The following BMF variants were observed in gnomAD, a reference collection of about 807,000 sequenced individuals.
BMF encodes the protein Bcl2 modifying factor, also known as bcl-2-modifying factor.
In BMF, 10 loss-of-function variants were observed where a neutral mutation model predicts 22.0. That is an observed-to-expected ratio of 0.45 (90% CI 0.28 to 0.77). BMF has a LOEUF of 0.77. Among genes scored for constraint, BMF ranks in the 30% least tolerant of loss-of-function variants. BMF has a pLI of 0.13. For synonymous variants in BMF, 87 were observed against 88.1 expected (o/e 0.99, Z 0.07); for missense variants, 206 against 226.8 (o/e 0.91, Z 0.59).
At chr15:40,099,651 T>C (rs1034845512) in intron 4 of BMF, among the ~76,000 whole-genome samples, 1 of 152,000 alleles carries the variant, frequency 6.6e-6, no homozygotes, top group Non-Finnish European at 1.5e-5. Context: ...TGGTGGTGCA[T>C]GCCTGTAATT....
At chr15:40,092,295 G>A (rs543887646) in intron 4 of BMF, among the ~76,000 whole-genome samples, 129 of 152,134 alleles carry the variant, frequency 8.5e-4, no homozygotes, top group African/African-American at 2.9e-3. Flanking sequence ...TCTCTCCCCC[G>A]ACTCCAAAGT....
chr15:40,104,944 G>A (rs2036553877), intron 3 of BMF, among the ~76,000 whole-genome samples: 1 of 152,186 alleles, frequency 6.6e-6, no homozygotes, highest in African/African-American at 2.4e-5. Flanking sequence ...CTTACCCAGT[G>A]CACGCGTTAG....
chr15:40,094,119 C>T (rs143117605), intron 4 of BMF, among the ~76,000 whole-genome samples: 19 of 152,286 alleles, frequency 1.2e-4, no homozygotes, highest in Non-Finnish European at 2.2e-4. Context: ...AGCTCAATGG[C>T]CAAGGAAAGC....
Position 40,104,189 on chromosome 15 carries a change from A to C in BMF, c.444T>G (p.His148Gln), listed in dbSNP as rs759729759. The C allele has an allele frequency of 6.2e-7, 1 of 1,614,182 alleles. No homozygotes were observed. Among genetic ancestry groups the C allele is most frequent in the South Asian group, 1.1e-5 (1 of 91,084 alleles). The change falls in exon 4 of 5, where the codon CAT (histidine) becomes CAG (glutamine). Residue 148 changes from histidine to glutamine, a missense_variant. Physicochemically the swap from His to Gln is conservative, Grantham distance 24 (BLOSUM62 0). Coordinates refer to ENST00000354670, the MANE Select transcript of BMF (RefSeq NM_001003940.2). Reference sequence around the variant, plus strand: ...AAACCCCCGTGCCTACTTGCTGCACATGAAGCCGGTGGAACTGGTCTGCAA... The same window carrying C: ...AAACCCCCGTGCCTACTTGCTGCACCTGAAGCCGGTGGAACTGGTCTGCAA... ...QCIADQFHRL[H>Q]VQQHQQNQNR...
intron 4 of BMF, among the ~76,000 whole-genome samples, chr15:40,093,456 G>A (rs550935541): frequency 2.5e-4 from 38 of 152,290 alleles, no homozygotes; most frequent in Non-Finnish European, 4.4e-4. Flanking sequence ...TGTAAACAAA[G>A]ATGAGTAAAA....
At chr15:40,107,308 G>A (rs1285569494) in intron 2 of BMF, among the ~76,000 whole-genome samples, 1 of 152,210 alleles carries the variant, frequency 6.6e-6, no homozygotes, top group Admixed American at 6.5e-5. Context: ...CAAGCCAAAT[G>A]GTCTATGGAT....
rs760095117 is a variant in BMF, at chr15:40,089,023, G to C, written c.*2764C>G. 1 of 152,632 alleles carries C rather than the reference G, an allele frequency of 6.6e-6. No individual in the cohort carries two copies. Among genetic ancestry groups the C allele is most frequent in the East Asian group, 1.9e-4 (1 of 5,194 alleles). 9.5% of individuals were successfully genotyped at this position (152,632 alleles called of 1,614,324 possible). A position where few individuals can be genotyped will look rare whatever the true frequency, so the allele number is the denominator to read the frequency against. ...CCTTCCTCCCAGGCATTTCTTTCCC[G>C]AGGAGGAAGGTTTCCAGTCCCTCTC... On this transcript the variant is annotated 3_prime_UTR_variant, in exon 5 of 5. Transcript: ENST00000354670.
intron 4 of BMF, among the ~76,000 whole-genome samples, chr15:40,102,625 T>G (rs1052953480): frequency 6.6e-6 from 1 of 152,004 alleles, no homozygotes; most frequent in Non-Finnish European, 1.5e-5. Flanking sequence ...ATCAGATTAT[T>G]GCAAATGAAG....
intron 4 of BMF, among the ~76,000 whole-genome samples, chr15:40,094,540 T>G (rs947772175): frequency 9.2e-5 from 14 of 152,182 alleles, no homozygotes; most frequent in African/African-American, 3.1e-4. Flanking sequence ...AACCTGCTCA[T>G]GAGTTCTCTC....
intron 3 of BMF, 35 bp downstream of exon 3, chr15:40,105,760 T>G: frequency 1.9e-6 from 3 of 1,549,972 alleles, no homozygotes; most frequent in Non-Finnish European, 2.6e-6. Flanking sequence ...TCCCCCAGTC[T>G]CTATGGGAGG....
At chr15:40,103,893 C>T (rs2141046226) in intron 4 of BMF, among the ~76,000 whole-genome samples, 1 of 152,320 alleles carries the variant, frequency 6.6e-6, no homozygotes, top group East Asian at 1.9e-4. Context: ...GGTTGTCAAG[C>T]AGAGCTGCAG....
At chr15:40,094,817 GACA>G (rs1163457761) in intron 4 of BMF, among the ~76,000 whole-genome samples, 2 of 152,196 alleles carry the variant, frequency 1.3e-5, no homozygotes, top group Non-Finnish European at 2.9e-5. Context: ...GAAAATACAA[GACA>G]TTACAGAGGA....
At chr15:40,096,759 G>A (rs2141014154) in intron 4 of BMF, among the ~76,000 whole-genome samples, 1 of 152,270 alleles carries the variant, frequency 6.6e-6, no homozygotes, top group Middle Eastern at 3.4e-3. Context: ...TGCTCCCCTA[G>A]TATGCTTAAA....
rs2036631907 is a variant in BMF at position 40,108,406 on chromosome 15, T to A, written c.-133-20A>T. 1 of 152,754 alleles carries A rather than the reference T, an allele frequency of 6.5e-6. No homozygotes were observed. Among genetic ancestry groups the A allele is most frequent in the Non-Finnish European group, 1.5e-5 (1 of 68,176 alleles). The allele number at this position is 152,754 out of a possible 1,614,324, so 9.5% of individuals were successfully genotyped here. On this transcript the variant is annotated intron_variant, in intron 1 of 4. Coordinates refer to ENST00000354670, the MANE Select transcript of BMF (RefSeq NM_001003940.2). The stretch of plus-strand genomic sequence containing the variant: ...GCCCAGCTGTTAAGGAGAGGAGCCT[T>A]CAGACTCCGCAGAGAGGCAGGATGC...
rs117690285 is a variant in BMF, at chr15:40,106,009, G to A, written c.78C>T (p.Pro26=). The stretch of plus-strand genomic sequence containing the variant: ...ACAGGTCAGCAGAGAGCAAGCTCCC[G>A]GGTTGGGTCACCGGCTCCCCATCCT... ...QPEDGEPVTQ[P]GSLLSADLFA... Residue 26 remains proline (P), a synonymous_variant, in exon 3 of 5, where the codon CCC becomes CCT. Coordinates refer to ENST00000354670, the MANE Select transcript of BMF (RefSeq NM_001003940.2). The surrounding 1 kb of genome is among the most constrained non-coding windows in gnomAD (Gnocchi z 4.1). The A allele has an allele frequency of 4.4e-4, 715 of 1,613,896 alleles. 3 individuals carry two copies. In the East Asian group the frequency reaches 0.013, roughly 30 times the overall value.
chr15:40,090,660 T>A lies in BMF; in HGVS notation c.*1127A>T, dbSNP rs973513518. 2 of 152,254 alleles carry A rather than the reference T, an allele frequency of 1.3e-5. No homozygotes were observed. The highest frequency in any genetic ancestry group is 4.8e-5 in the African/African-American group (2 of 41,452). 9.4% of individuals were successfully genotyped at this position (152,254 alleles called of 1,614,324 possible). A position where few individuals can be genotyped will look rare whatever the true frequency, so the allele number is the denominator to read the frequency against. The stretch of plus-strand genomic sequence containing the variant: ...CAGCTTTGACGGTTCCCCACTCTAA[T>A]CGTTATCTGTTACTCTAAAAGTCAC... On this transcript the variant is annotated 3_prime_UTR_variant, in exon 5 of 5. Transcript: ENST00000354670.
chr15:40,100,157 A>C (rs2036446958), intron 4 of BMF, among the ~76,000 whole-genome samples: 1 of 152,118 alleles, frequency 6.6e-6, no homozygotes, highest in Non-Finnish European at 1.5e-5. Context: ...AATACCCCCA[A>C]ATGTCATGAT....
Position 40,106,161 on chromosome 15 carries a change from C to T in BMF, c.-5-70G>A. ...GCCATACCTGGAAGGACTCCCCTTCCCTTCTTCCTACCATACTCCCCCTTC... is the reference window on the plus strand; with the variant it reads ...GCCATACCTGGAAGGACTCCCCTTCTCTTCTTCCTACCATACTCCCCCTTC... On this transcript the variant is annotated intron_variant, in intron 2 of 4. Coordinates refer to ENST00000354670, the MANE Select transcript of BMF (RefSeq NM_001003940.2). This position sits in a 1 kb window ranked among gnomAD's most constrained non-coding sequence, Gnocchi z 4.1. 1 of 1,486,584 alleles carries T rather than the reference C, an allele frequency of 6.7e-7. No homozygotes were observed. Among genetic ancestry groups the T allele is most frequent in the East Asian group, 2.3e-5 (1 of 42,978 alleles). 92.1% of individuals were successfully genotyped at this position (1,486,584 alleles called of 1,614,324 possible). A position where few individuals can be genotyped will look rare whatever the true frequency, so the allele number is the denominator to read the frequency against.
At chr15:40,091,993 G>C in intron 4 of BMF, 105 bp from the exon 5 acceptor site, 1 of 873,876 alleles carries the variant, frequency 1.1e-6, no homozygotes, top group African/African-American at 1.7e-5. Flanking sequence ...CTCACGGCTG[G>C]CACTTTAATC....
Sources: gnomAD v4.1 joint callset for allele counts (sites outside exome capture counted in the v4.1 genomes callset) on GRCh38, gnomAD v4.1.1 for gene constraint, Gnocchi (gnomAD v3.1) non-coding constraint, MANE v1.5 for transcripts, NCBI Gene and HGNC (gene_info 2026-07-23, HGNC 2026-07-21) for gene names.